RYR3: variants seen among roughly 807,000 people sequenced by gnomAD.
RYR3 encodes brain ryanodine receptor-calcium release channel.
RYR3 carries 207 observed loss-of-function variants against 584.3 expected under a neutral mutation model. The ratio of observed to expected loss-of-function variants is 0.35; its 90% CI spans 0.32 to 0.40. RYR3 has a LOEUF of 0.40. Ranked by LOEUF, RYR3 falls within the 10% of genes least tolerant of loss-of-function variation. The pLI is 1.00. For missense variants in RYR3, 5,616 were observed against 6,089.2 expected, an observed-to-expected ratio of 0.92 and a Z score of 2.59; for synonymous variants, 2,416 against 2,248.5, an observed-to-expected ratio of 1.07 and a Z score of -2.11.
At chr15:33,580,185 A>G (rs1487390868) in intron 13 of RYR3, 41 bp downstream of exon 13, 1 of 1,478,310 alleles carries the variant, frequency 6.8e-7, no homozygotes, top group African/African-American at 1.4e-5. Context: ...CTTAGTGTCC[A>G]GAGCTAGAAT....
intron 18 of RYR3, 56 bp downstream of exon 18, chr15:33,603,420 A>G (rs1312713292): frequency 1.5e-5 from 22 of 1,495,878 alleles, no homozygotes; most frequent in Non-Finnish European, 1.9e-5. Flanking sequence ...ATGGAGGCTC[A>G]AATTATTCAA....
In RYR3 at chr15:33,736,313, A is replaced by G. The variant is rs776062246; in HGVS notation, c.7503A>G (p.Lys2501=). ...TGCCGCAACTCAATGAATACTGCAA[A>G]ATGCCTCTCAAGGTAAACATCACTA... is the stretch of plus-strand genomic sequence containing the variant. ...FDVPQLNEYC[K]MPLKLLTNHY... is the part of the protein sequence containing the mutation. The change falls in exon 49 of 104, where the codon AAA becomes AAG. Residue 2501 remains lysine (K), a synonymous_variant. Coordinates refer to ENST00000634891, the MANE Select transcript of RYR3 (RefSeq NM_001036.6). 6.2e-7 allele frequency: 1 copy of G among 1,609,794 alleles called. No homozygotes were observed.
At chr15:33,450,296 C>T (rs1235651141) in intron 1 of RYR3, among the ~76,000 whole-genome samples, 1 of 152,034 alleles carries the variant, frequency 6.6e-6, no homozygotes, top group South Asian at 2.1e-4. Context: ...AATCTAATGG[C>T]TGTACTTTAT....
In RYR3 at chr15:33,652,898, TG is replaced by T. The variant is rs1169013315; in HGVS notation, c.4308+19del. ...CCTGCTACCAGGTAAGGGCGGCTTC[TG>T]GGGCCGAAACAGGGCTATCCCAGGC... On this transcript the variant is annotated intron_variant, in intron 32 of 103. Transcript: ENST00000634891. The T allele has an allele frequency of 6.2e-7, 1 of 1,600,170 alleles. No homozygotes were observed. Among genetic ancestry groups the T allele is most frequent in the Admixed American group, 1.8e-5 (1 of 56,828 alleles).
chr15:33,816,205 A>G (rs2076803614), intron 74 of RYR3, among the ~76,000 whole-genome samples: 1 of 152,166 alleles, frequency 6.6e-6, no homozygotes, highest in Non-Finnish European at 1.5e-5. Flanking sequence ...TTTGCTTTGC[A>G]GTGGCTAATA....
intron 12 of RYR3, among the ~76,000 whole-genome samples, chr15:33,571,890 C>T (rs1200961844): frequency 6.6e-6 from 1 of 152,032 alleles, no homozygotes; most frequent in Non-Finnish European, 1.5e-5. Context: ...TCCCTTACTA[C>T]CTTTTTTTGT....
intron 48 of RYR3, among the ~76,000 whole-genome samples, chr15:33,733,981 C>T (rs1325977162): frequency 1.3e-5 from 2 of 152,186 alleles, no homozygotes; most frequent in Non-Finnish European, 2.9e-5. Context: ...ACAATGATCA[C>T]TATGTTTAAA....
At chr15:33,664,614 T>TGTATATATATATATATATAC (rs2063385020) in intron 36 of RYR3, among the ~76,000 whole-genome samples, 1 of 120,532 alleles carries the variant, frequency 8.3e-6, no homozygotes, top group Non-Finnish European at 1.7e-5. Flanking sequence ...TATATATATA[T>TGTATATATATATATATATAC]ACGTATGTAT....
At chr15:33,791,789 G>T (rs1358345458) in intron 67 of RYR3, among the ~76,000 whole-genome samples, 1 of 152,150 alleles carries the variant, frequency 6.6e-6, no homozygotes, top group Non-Finnish European at 1.5e-5. Context: ...ATGTAAGGAG[G>T]TAATTATAAA....
At chr15:33,348,049 A>G (rs544736832) in intron 1 of RYR3, among the ~76,000 whole-genome samples, 1 of 152,228 alleles carries the variant, frequency 6.6e-6, no homozygotes, top group South Asian at 2.1e-4. Context: ...ATATGTAACA[A>G]TCTGTGTCTC....
intron 13 of RYR3, 144 bp from the exon 14 acceptor site, chr15:33,581,360 AAAAC>A (rs369984231): frequency 4.0e-5 from 32 of 791,106 alleles, no homozygotes; most frequent in South Asian, 1.0e-4. Context: ...GGAGGGAAAA[AAAAC>A]AAACCCAACT....
intron 3 of RYR3, among the ~76,000 whole-genome samples, chr15:33,510,086 G>C (rs1442604911): frequency 6.6e-6 from 1 of 152,180 alleles, no homozygotes; most frequent in Non-Finnish European, 1.5e-5. Context: ...TTGCTCTCAT[G>C]TGCAAAAGCT....
intron 16 of RYR3, among the ~76,000 whole-genome samples, chr15:33,588,070 GC>G (rs1274591391): frequency 6.6e-6 from 1 of 152,212 alleles, no homozygotes; most frequent in African/African-American, 2.4e-5. Flanking sequence ...TCCCACAAGA[GC>G]AACAACAGTA....
At chr15:33,347,768 A>G (rs1254081715) in intron 1 of RYR3, among the ~76,000 whole-genome samples, 2 of 152,044 alleles carry the variant, frequency 1.3e-5, no homozygotes, top group African/African-American at 4.8e-5. Flanking sequence ...TCAATTAAAC[A>G]AAATTTGCTT....
At chr15:33,312,680 T>C (rs572774662) in intron 1 of RYR3, among the ~76,000 whole-genome samples, 1 of 151,458 alleles carries the variant, frequency 6.6e-6, no homozygotes, top group Non-Finnish European at 1.5e-5. Flanking sequence ...CTCCTTATTA[T>C]TAATGATCTT....
chr15:33,587,085 T>A (rs986308586), intron 16 of RYR3, among the ~76,000 whole-genome samples: 1 of 152,108 alleles, frequency 6.6e-6, no homozygotes, highest in Non-Finnish European at 1.5e-5. Context: ...CAGCATAGAC[T>A]GTATGACATG....
chr15:33,745,750 G>C (rs1038991146), intron 52 of RYR3, among the ~76,000 whole-genome samples: 1 of 152,192 alleles, frequency 6.6e-6, no homozygotes, highest in Non-Finnish European at 1.5e-5. Context: ...TTCTTCCTGC[G>C]AGGGGAGTAC....
chr15:33,533,297 C>A lies in RYR3; in HGVS notation c.355-14C>A. 6.3e-7 allele frequency: 1 copy of A among 1,579,142 alleles called. No individual in the cohort carries two copies. The highest frequency in any genetic ancestry group is 8.6e-7 in the Non-Finnish European group (1 of 1,157,508). ...AAGAGTGTGACTTCACTAGTATTTG[C>A]TCTTCTTTCACAGTATCTAACATGC... On this transcript the variant is annotated splice_polypyrimidine_tract_variant and intron_variant, in intron 4 of 103. Transcript: ENST00000634891.
chr15:33,793,924 C>G, intron 67 of RYR3, among the ~76,000 whole-genome samples: 1 of 141,770 alleles, frequency 7.1e-6, no homozygotes, highest in Admixed American at 7.3e-5. Context: ...CACACACACT[C>G]TATATATATA....
Sources: gnomAD v4.1 joint callset for allele counts (sites outside exome capture counted in the v4.1 genomes callset) on GRCh38, gnomAD v4.1.1 for gene constraint, MANE v1.5 for transcripts, NCBI Gene and HGNC (gene_info 2026-07-23, HGNC 2026-07-21) for gene names.